The following AHCYL1 variants were observed in gnomAD, a reference collection of about 807,000 sequenced individuals.
AHCYL1 encodes the protein S-adenosylhomocysteine hydrolase-like protein 1.
Under a neutral mutation model 79.3 loss-of-function variants are expected in AHCYL1, and 20 were observed. The ratio of observed to expected loss-of-function variants is 0.25; its 90% CI spans 0.18 to 0.37. The LOEUF (loss-of-function observed/expected upper bound fraction) is 0.37. AHCYL1 is among the 10% of genes least tolerant of loss of function. The pLI, the probability that AHCYL1 is intolerant of heterozygous loss-of-function variation, is 1.00. For synonymous variants in AHCYL1, 223 were observed against 242.2 expected, an observed-to-expected ratio of 0.92 and a Z score of 0.74; for missense variants, 330 against 673.6, an observed-to-expected ratio of 0.49 and a Z score of 5.65.
chr1:110,014,624 C>A (rs1183338768), intron 5 of AHCYL1, 139 bp from the exon 6 acceptor site: 1 of 585,784 alleles, frequency 1.7e-6, no homozygotes, highest in Admixed American at 3.3e-5. Context: ...AAAAGTGATT[C>A]TTTGACTTTT....
In AHCYL1 at chr1:110,023,609, C is replaced by T. The variant is rs1006547835; in HGVS notation, c.*1929C>T. ...CTGTTAAAAAAAAAAAAAAGTCTGG[C>T]ATCAGAGGGAGCATGTGGAGAGCAA... On this transcript the variant is annotated 3_prime_UTR_variant, in exon 17 of 17. Coordinates refer to ENST00000369799, the MANE Select transcript of AHCYL1 (RefSeq NM_006621.7). 1.3e-5 allele frequency: 2 copies of T among 152,166 alleles called. No homozygotes were observed. Among genetic ancestry groups the T allele is most frequent in the African/African-American group, 4.8e-5 (2 of 41,246 alleles). 9.4% of individuals were successfully genotyped at this position (152,166 alleles called of 1,614,324 possible).
chr1:110,016,270 C>A, intron 7 of AHCYL1, 74 bp from the exon 8 acceptor site: 4 of 1,028,710 alleles, frequency 3.9e-6, no homozygotes, highest in Middle Eastern at 2.1e-4. Flanking sequence ...GAGAATTAGG[C>A]AGATTTTGCC....
chr1:109,988,405 TG>T (rs756292563), intron 1 of AHCYL1, among the ~76,000 whole-genome samples: 1 of 152,230 alleles, frequency 6.6e-6, no homozygotes, highest in Non-Finnish European at 1.5e-5. Flanking sequence ...AGAAGATCCT[TG>T]TTTAATGTTG....
chr1:110,004,068 C>T, intron 1 of AHCYL1: 1 of 985,464 alleles, frequency 1.0e-6, no homozygotes, highest in Non-Finnish European at 1.2e-6. Context: ...GGTATTGCCT[C>T]ACCTCTTCTC....
intron 1 of AHCYL1, among the ~76,000 whole-genome samples, chr1:110,002,521 A>G (rs753301048): frequency 6.6e-6 from 1 of 152,270 alleles, no homozygotes; most frequent in Non-Finnish European, 1.5e-5. Context: ...ATTTTTCTTT[A>G]CAAAAGAATG....
At chr1:110,016,873 C>A in intron 9 of AHCYL1, 143 bp downstream of exon 9, 1 of 871,102 alleles carries the variant, frequency 1.1e-6, no homozygotes, top group Non-Finnish European at 1.8e-6. Flanking sequence ...ATAGCAAAAG[C>A]CTTTTATTCA....
At chr1:110,016,861 C>T (rs1651452219) in intron 9 of AHCYL1, 131 bp downstream of exon 9, 1 of 942,316 alleles carries the variant, frequency 1.1e-6, no homozygotes, top group African/African-American at 1.6e-5. Flanking sequence ...GTATCTCAAA[C>T]AATAGCAAAA....
At chr1:110,008,397 G>A (rs1041491521) in intron 1 of AHCYL1, among the ~76,000 whole-genome samples, 1 of 152,126 alleles carries the variant, frequency 6.6e-6, no homozygotes, top group Non-Finnish European at 1.5e-5. Context: ...TTACTATAGT[G>A]TATGTGGGTT....
chr1:109,985,687 CATG>C, intron 1 of AHCYL1: 1 of 349,184 alleles, frequency 2.9e-6, no homozygotes, highest in Non-Finnish European at 4.0e-6. Flanking sequence ...ATGAGGGTAA[CATG>C]AAACTGAAAA....
At chr1:109,993,640 A>G (rs1649878230) in intron 1 of AHCYL1, among the ~76,000 whole-genome samples, 1 of 152,202 alleles carries the variant, frequency 6.6e-6, no homozygotes, top group African/African-American at 2.4e-5. Flanking sequence ...TTCCAACTTA[A>G]TAGATCCCTT....
intron 1 of AHCYL1, among the ~76,000 whole-genome samples, chr1:109,986,927 G>T (rs1330030134): frequency 6.6e-6 from 1 of 152,098 alleles, no homozygotes; most frequent in Non-Finnish European, 1.5e-5. Context: ...CTTCTTCCCA[G>T]GAGGAATATT....
intron 11 of AHCYL1, 83 bp downstream of exon 11, chr1:110,018,099 G>A: frequency 1.4e-6 from 2 of 1,418,784 alleles, no homozygotes; most frequent in East Asian, 4.6e-5. Flanking sequence ...AAGGAGGTGA[G>A]ACCTCTGTTC....
intron 1 of AHCYL1, among the ~76,000 whole-genome samples, chr1:109,995,419 C>T (rs928803363): frequency 2.0e-5 from 3 of 152,170 alleles, no homozygotes; most frequent in East Asian, 1.9e-4. Context: ...AATACAATCT[C>T]GGTCTTCCTC....
chr1:109,998,871 CTG>C (rs1317075087), intron 1 of AHCYL1, among the ~76,000 whole-genome samples: 5 of 152,070 alleles, frequency 3.3e-5, no homozygotes, highest in South Asian at 2.1e-4. Flanking sequence ...CAAGTGAAAA[CTG>C]TATGTATTTG....
chr1:110,002,165 C>G (rs1356494837), intron 1 of AHCYL1, among the ~76,000 whole-genome samples: 1 of 152,200 alleles, frequency 6.6e-6, no homozygotes, highest in East Asian at 1.9e-4. Context: ...ATTGATTTCT[C>G]TCTCTACCAA....
rs370732347 is a variant in AHCYL1, at chr1:109,989,594, T to C, written c.120+4422T>C. On this transcript the variant is annotated intron_variant, in intron 1 of 16. Coordinates refer to ENST00000369799, the MANE Select transcript of AHCYL1 (RefSeq NM_006621.7). ...AATCATGCAGGTCTTTAGTTGCCTG[T>C]GACTCCTAGCAAGTGTACTCTGCCA... Among the ~76,000 whole-genome samples, 44 of 152,330 alleles carry C rather than the reference T, an allele frequency of 2.9e-4. No homozygotes were observed. The South Asian group carries it at 9.1e-3, about 32-fold the overall frequency.
chr1:110,019,136 C>A lies in AHCYL1; in HGVS notation c.1386+17C>A, dbSNP rs748524904. 1 of 1,611,072 alleles carries A rather than the reference C, an allele frequency of 6.2e-7. No homozygotes were observed. The highest frequency in any genetic ancestry group is 1.7e-5 in the Admixed American group (1 of 60,026). On this transcript the variant is annotated intron_variant, in intron 14 of 16. Coordinates refer to ENST00000369799, the MANE Select transcript of AHCYL1 (RefSeq NM_006621.7). ...ACAACACAGGTATGTGGCAAAATGC[C>A]TGCTTACACTGCACTGCAATTTGTG...
chr1:110,014,565 T>C lies in AHCYL1; in HGVS notation c.581-198T>C, dbSNP rs146094011. Among the ~76,000 whole-genome samples the C allele has an allele frequency of 6.9e-4, 105 of 152,386 alleles. 5 individuals are homozygous for C. In the East Asian group the frequency reaches 0.019, roughly 28 times the overall value. ...GGAACACTTTAAGGTTCCAAACTAC[T>C]TTTAAAGCAAAAATTCCTTAATTTC... On this transcript the variant is annotated intron_variant, in intron 5 of 16. Coordinates refer to ENST00000369799, the MANE Select transcript of AHCYL1 (RefSeq NM_006621.7).
intron 1 of AHCYL1, among the ~76,000 whole-genome samples, chr1:109,990,030 G>C (rs1390736866): frequency 6.6e-6 from 1 of 152,192 alleles, no homozygotes; most frequent in African/African-American, 2.4e-5. Flanking sequence ...AATTGCAGTT[G>C]CCTTTCCTTT....
Sources: gnomAD v4.1 joint callset for allele counts (sites outside exome capture counted in the v4.1 genomes callset) on GRCh38, gnomAD v4.1.1 for gene constraint, MANE v1.5 for transcripts, NCBI Gene and HGNC (gene_info 2026-07-23, HGNC 2026-07-21) for gene names.